The following KIF7 variants were observed in gnomAD, a reference collection of about 807,000 sequenced individuals.
KIF7 encodes the protein kinesin-like protein KIF7.
KIF7 carries 104 observed loss-of-function variants against 135.7 expected under a neutral mutation model. That is an observed-to-expected ratio of 0.77 (90% CI 0.65 to 0.90). The LOEUF (loss-of-function observed/expected upper bound fraction) is 0.90, where lower values mean the gene tolerates loss of function less well. KIF7 is among the 40% of genes least tolerant of loss of function. KIF7 has a pLI of 0.00. For synonymous variants in KIF7, 883 were observed against 809.4 expected (o/e 1.09, Z -1.54); for missense variants, 2,005 against 1,839.1 (o/e 1.09, Z -1.65).
At chr15:89,646,158 G>A in intron 7 of KIF7, 132 bp from the exon 8 acceptor site, 1 of 1,158,090 alleles carries the variant, frequency 8.6e-7, no homozygotes, top group Non-Finnish European at 1.3e-6. Context: ...GACCCCTCTG[G>A]CAGCCTTCTG....
At chr15:89,624,655 T>A (rs1567053367), downstream of KIF7, 2 of 1,613,952 alleles carry the variant, frequency 1.2e-6, no homozygotes, top group Non-Finnish European at 1.7e-6. Context: ...CAGGAGTGAT[T>A]GGCATGCATC....
chr15:89,625,566 C>T, downstream of KIF7: 1 of 1,613,126 alleles, frequency 6.2e-7, no homozygotes, highest in Non-Finnish European at 8.5e-7. Context: ...AGTCGCCTCC[C>T]AGGAACAGCA....
chr15:89,652,917 G>A lies in KIF7; in HGVS notation c.14C>T (p.Ala5Val). The A allele has an allele frequency of 3.9e-6, 6 of 1,524,808 alleles. No homozygotes were observed. Among genetic ancestry groups the A allele is most frequent in the Middle Eastern group, 1.8e-4 (1 of 5,408 alleles). The allele number at this position is 1,524,808 out of a possible 1,614,324, so 94.5% of individuals were successfully genotyped here. ...CTCCTCAGCCCCTGGCAGCCTCTGA[G>A]CCTCCAGCCCCATGCCGAGGGAGGA... MGLE[A>V]QRLPGAEEAP... is the part of the protein sequence containing the mutation. Residue 5 changes from alanine (A) to valine (V), a missense_variant, in exon 2 of 19, where the codon GCT (alanine) becomes GTT (valine). Coordinates refer to ENST00000394412, the MANE Select transcript of KIF7 (RefSeq NM_198525.3).
intron 11 of KIF7, among the ~76,000 whole-genome samples, chr15:89,640,215 C>T (rs1253691390): frequency 4.6e-5 from 7 of 151,946 alleles, no homozygotes; most frequent in Admixed American, 6.5e-5. Flanking sequence ...GTGGGTGCAG[C>T]GCACCAGCAT....
rs140191358 is a variant in KIF7, at chr15:89,631,820, A to C, written c.2896-110T>G. 3,315 of 915,946 alleles carry C rather than the reference A, an allele frequency of 3.6e-3. 10 individuals are homozygous for C. The highest frequency in any genetic ancestry group is 3.9e-3 in the Non-Finnish European group (2,372 of 609,996). 56.7% of individuals were successfully genotyped at this position (915,946 alleles called of 1,614,324 possible). A position where few individuals can be genotyped will look rare whatever the true frequency, so the allele number is the denominator to read the frequency against. Reference sequence around the variant, plus strand: ...CTTGCGTCCTTCCCTCAAGAAACCAACACTCCAAATGTTCTGCTCAGCAGG... The same window carrying C: ...CTTGCGTCCTTCCCTCAAGAAACCACCACTCCAAATGTTCTGCTCAGCAGG... On this transcript the variant is annotated intron_variant, in intron 14 of 18. Coordinates refer to ENST00000394412, the MANE Select transcript of KIF7 (RefSeq NM_198525.3).
At chr15:89,622,243 T>C (rs111897692) in intron 1 of KIF7, among the ~76,000 whole-genome samples, 2,969 of 151,994 alleles carry the variant, frequency 0.02, 102 homozygotes, top group African/African-American at 0.068. Flanking sequence ...GCCTCAGCCT[T>C]CCAAAGTGCT....
intron 1 of KIF7, among the ~76,000 whole-genome samples, chr15:89,622,960 G>A (rs772547720): frequency 1.7e-4 from 26 of 152,166 alleles, no homozygotes; most frequent in Admixed American, 3.9e-4. Flanking sequence ...TTTCACCTGC[G>A]TATGCCCCAC....
In KIF7 at chr15:89,628,119, A is replaced by C; in HGVS notation, c.*300T>G. Reference sequence around the variant, plus strand: ...TGATTCTTGGCCAAACCCCTGAACTACAAGCACATCCATTTACGCCTGAAA... The same window carrying C: ...TGATTCTTGGCCAAACCCCTGAACTCCAAGCACATCCATTTACGCCTGAAA... On this transcript the variant is annotated 3_prime_UTR_variant, in exon 19 of 19. Transcript: ENST00000394412. 1 of 343,888 alleles carries C rather than the reference A, an allele frequency of 2.9e-6. No individual in the cohort carries two copies. The highest frequency in any genetic ancestry group is 5.3e-6 in the Non-Finnish European group (1 of 190,474). The allele number at this position is 343,888 out of a possible 1,614,324, so 21.3% of individuals were successfully genotyped here.
chr15:89,625,187 GCCC>G (rs1010106138), downstream of KIF7: 12 of 1,612,938 alleles, frequency 7.4e-6, no homozygotes, highest in African/African-American at 5.3e-5. Flanking sequence ...TCACCCCCCT[GCCC>G]CCGCCTCTCC....
At chr15:89,631,152 G>A (rs564165121) in intron 15 of KIF7, 8 of 314,126 alleles carry the variant, frequency 2.5e-5, no homozygotes, top group African/African-American at 1.1e-4. Flanking sequence ...ACACAGATGT[G>A]TGGGCATGAG....
In KIF7 at chr15:89,629,537, T is replaced by TCTG. The variant is rs748413293; in HGVS notation, c.3352_3354dup (p.Gln1118dup). The TCTG allele has an allele frequency of 1.2e-6, 2 of 1,609,866 alleles. No individual in the cohort carries two copies. The highest frequency in any genetic ancestry group is 8.5e-7 in the Non-Finnish European group (1 of 1,179,976). On this transcript the variant is annotated inframe_insertion, in exon 17 of 19. Transcript: ENST00000394412. ...TGCATCTCCAGTTCCGAGAAGGCAA[T>TCTG]CTGCTGCTGGTGCTGCTCCTCTCGG... is the stretch of plus-strand genomic sequence containing the variant.
rs1287682022 is a variant in KIF7 at position 89,649,910 on chromosome 15, G to A, written c.360C>T (p.Val120=). The A allele has an allele frequency of 6.4e-7, 1 of 1,551,608 alleles. No homozygotes were observed. ...TGAAGGCCTCGGCCATGGCCCTCGG[G>A]ACAATGCCCTGCTCATCCTCAAGGA... The part of the protein sequence containing the change: ...ASLLEDEQGI[V]PRAMAEAFKL... Residue 120 remains valine, a synonymous_variant, in exon 3 of 19, where the codon GTC becomes GTT. Transcript: ENST00000394412.
At chr15:89,637,786 T>C (rs1238215636) in intron 11 of KIF7, among the ~76,000 whole-genome samples, 1 of 142,066 alleles carries the variant, frequency 7.0e-6, no homozygotes, top group African/African-American at 2.6e-5. Context: ...TTCCAATCAA[T>C]AGAAAAAGAG....
chr15:89,621,471 G>A, intron 1 of KIF7: 3 of 1,613,854 alleles, frequency 1.9e-6, no homozygotes, highest in Non-Finnish European at 2.5e-6. Context: ...GAGATGATCA[G>A]CCCCTCAGAA....
At chr15:89,630,599 T>G in intron 15 of KIF7, 106 bp from the exon 16 acceptor site, 1 of 945,312 alleles carries the variant, frequency 1.1e-6, no homozygotes, top group Non-Finnish European at 1.6e-6. Context: ...GCCTTAAGGG[T>G]CCCCTCGTCC....
Position 89,630,472 on chromosome 15 carries a change from A to T in KIF7, c.3133T>A (p.Leu1045Met), listed in dbSNP as rs916572967. The T allele has an allele frequency of 6.4e-7, 1 of 1,558,224 alleles. No individual in the cohort carries two copies. The highest frequency in any genetic ancestry group is 1.9e-5 in the Admixed American group (1 of 51,390). The change falls in exon 16 of 19, where the codon TTG becomes ATG. Residue 1045 changes from leucine to methionine, a missense_variant. Leu to Met is a conservative substitution (Grantham distance 15). Coordinates refer to ENST00000394412, the MANE Select transcript of KIF7 (RefSeq NM_198525.3). ...SPEEERTLFQ[L>M]DEAIEALDAA... ...TCCAGGGCCTCGATGGCCTCATCCA[A>T]CTGGAACAGCGTCCGCTCCTCCTGC...
chr15:89,624,931 G>T (rs779649454), downstream of KIF7: 1 of 1,614,074 alleles, frequency 6.2e-7, no homozygotes, highest in South Asian at 1.1e-5. Flanking sequence ...GGCACAACTA[G>T]ACAACCTGCC....
At position 89,628,611 on chromosome 15, in the gene KIF7, C is replaced by T. The variant is rs530450447; in HGVS notation, c.3840G>A (p.Ser1280=). ...ACCCCTGCTCCTCACCACACAGGCT[C>T]GAGCGTTTCCAGGTCAAGGGTAACG... ...HAPLPLTWKR[S]SLCGEEQGSP... is the part of the protein sequence containing the mutation. The change falls in exon 19 of 19, where the codon TCG becomes TCA. Residue 1280 remains serine (S), a synonymous_variant. Transcript: ENST00000394412. 9.3e-6 allele frequency: 15 copies of T among 1,613,444 alleles called. No homozygotes were observed. The highest frequency in any genetic ancestry group is 1.6e-4 in the Middle Eastern group (1 of 6,062).
At position 89,648,321 on chromosome 15, in the gene KIF7, C is replaced by T; in HGVS notation, c.1377G>A (p.Gly459=). The T allele has an allele frequency of 6.6e-7, 1 of 1,510,216 alleles. No individual in the cohort carries two copies. Among genetic ancestry groups the T allele is most frequent in the Non-Finnish European group, 8.8e-7 (1 of 1,131,932 alleles). 93.6% of individuals were successfully genotyped at this position (1,510,216 alleles called of 1,614,324 possible). The change falls in exon 5 of 19, where the codon GGG becomes GGA. Residue 459 remains glycine, a synonymous_variant. Coordinates refer to ENST00000394412, the MANE Select transcript of KIF7 (RefSeq NM_198525.3). ...GERSALSSAS[G]PDSGIESASV... ...AGGCGCTCTCGATGCCGCTATCGGGCCCGGAGGCGGAGCTCAGGGCGCTGC... is the reference window on the plus strand; with the variant it reads ...AGGCGCTCTCGATGCCGCTATCGGGTCCGGAGGCGGAGCTCAGGGCGCTGC...
Sources: allele counts gnomAD v4.1 joint callset (sites outside exome capture counted in the v4.1 genomes callset), GRCh38; gene constraint gnomAD v4.1.1; transcripts MANE v1.5; gene names NCBI Gene and HGNC (gene_info 2026-07-23, HGNC 2026-07-21).